Variants in THRB observed in about 807,000 individuals in gnomAD.
The protein encoded by THRB is thyroid hormone receptor beta.
In THRB, 12 loss-of-function variants were observed where a neutral mutation model predicts 47.8. The ratio of observed to expected loss-of-function variants is 0.25; its 90% CI spans 0.16 to 0.41. THRB has a LOEUF of 0.41. Among genes scored for constraint, THRB ranks in the 10% least tolerant of loss-of-function variants. The probability of loss-of-function intolerance (pLI) is 1.00; values close to 1 mark genes in which losing one functional copy is unlikely to be tolerated. For synonymous variants in THRB, 218 were observed against 212.2 expected (o/e 1.03, Z -0.24); for missense variants, 348 against 589.2 (o/e 0.59, Z 4.24).
chr3:24,233,506 GA>G lies in THRB; in HGVS notation c.-42-4506del, dbSNP rs1192198603. Among the ~76,000 whole-genome samples the G allele has an allele frequency of 1.5e-4, 21 of 136,460 alleles. 1 individual carries two copies. The East Asian group carries it at 4.5e-3, about 29-fold the overall frequency. 89.5% of individuals were successfully genotyped at this position (136,460 alleles called of 152,430 possible). On this transcript the variant is annotated intron_variant, in intron 3 of 10. Transcript: ENST00000646209. ...GAAAAGAAAAAAAGAAAGGAAGAAA[GA>G]AAGAAGGAGGGAAGGAAGGAAGGAA...
At chr3:24,346,099 C>G (rs534485861) in intron 1 of THRB, among the ~76,000 whole-genome samples, 4 of 151,936 alleles carry the variant, frequency 2.6e-5, no homozygotes, top group African/African-American at 9.7e-5. Flanking sequence ...ATGGTAAATA[C>G]GCAGTAAATC....
intron 3 of THRB, among the ~76,000 whole-genome samples, chr3:24,229,828 G>A (rs2048069231): frequency 6.6e-6 from 1 of 152,222 alleles, no homozygotes; most frequent in Non-Finnish European, 1.5e-5. Context: ...GATGGTGGTA[G>A]CATTTTGGCT....
At chr3:24,483,744 T>C (rs947783099) in intron 1 of THRB, among the ~76,000 whole-genome samples, 2 of 152,202 alleles carry the variant, frequency 1.3e-5, no homozygotes, top group African/African-American at 4.8e-5. Context: ...TAGAACTTAG[T>C]TACCTCATTG....
At chr3:24,215,884 G>A (rs186847241) in intron 4 of THRB, among the ~76,000 whole-genome samples, 10 of 152,304 alleles carry the variant, frequency 6.6e-5, no homozygotes, top group African/African-American at 2.2e-4. Flanking sequence ...GGTAGATGGG[G>A]ATGTAAGAAG....
At chr3:24,278,520 A>C (rs773466287) in intron 3 of THRB, among the ~76,000 whole-genome samples, 24 of 152,230 alleles carry the variant, frequency 1.6e-4, no homozygotes, top group Non-Finnish European at 2.8e-4. Context: ...AGAAAGCATA[A>C]TATTATCATT....
At chr3:24,422,353 T>C (rs1211933135) in intron 1 of THRB, among the ~76,000 whole-genome samples, 2 of 151,860 alleles carry the variant, frequency 1.3e-5, no homozygotes, top group Admixed American at 6.6e-5. Flanking sequence ...ATTTCATTGG[T>C]GCAATAATTA....
At chr3:24,143,445 T>C (rs1264063201) in intron 8 of THRB, 56 bp downstream of exon 8, 5 of 1,535,470 alleles carry the variant, frequency 3.3e-6, no homozygotes, top group East Asian at 2.2e-5. Flanking sequence ...ACTGAATAAA[T>C]TGAGGTAGAA....
At chr3:24,350,576 C>T (rs1468840805) in intron 1 of THRB, among the ~76,000 whole-genome samples, 1 of 152,116 alleles carries the variant, frequency 6.6e-6, no homozygotes, top group Non-Finnish European at 1.5e-5. Flanking sequence ...CTATATTAGG[C>T]CATTATATAC....
intron 1 of THRB, among the ~76,000 whole-genome samples, chr3:24,395,218 T>A (rs761671583): frequency 7.9e-5 from 12 of 152,212 alleles, no homozygotes; most frequent in Non-Finnish European, 1.0e-4. Flanking sequence ...TATGCAAAGC[T>A]TTTTTTAGAT....
chr3:24,148,505 G>A lies in THRB; in HGVS notation c.385-1683C>T, dbSNP rs529215205. Among the ~76,000 whole-genome samples the A allele has an allele frequency of 1.4e-4, 21 of 152,198 alleles. No homozygotes were observed. The South Asian group carries it at 3.3e-3, about 24-fold the overall frequency. Reference sequence around the variant, plus strand: ...TCCAACACCTGGCCTCAAGTGATCCGTCTGCCTCCGCCTCCCAAAGTGCTG... The same window carrying A: ...TCCAACACCTGGCCTCAAGTGATCCATCTGCCTCCGCCTCCCAAAGTGCTG... On this transcript the variant is annotated intron_variant, in intron 6 of 10. Coordinates refer to ENST00000646209, the MANE Select transcript of THRB (RefSeq NM_001354712.2).
rs1447741157 is a variant in THRB at position 24,242,342 on chromosome 3, C to G, written c.-42-13341G>C. Among the ~76,000 whole-genome samples the G allele has an allele frequency of 2.6e-5, 4 of 152,132 alleles. No homozygotes were observed. In the East Asian group the frequency reaches 7.7e-4, roughly 29 times the overall value. On this transcript the variant is annotated intron_variant, in intron 3 of 10. Transcript: ENST00000646209. ...GGTGATTATTTTCCGAACAATAGAA[C>G]CAGATTGCTGATTCATGTTCGGCTC...
intron 3 of THRB, among the ~76,000 whole-genome samples, chr3:24,286,394 A>C (rs1185386246): frequency 6.6e-6 from 1 of 152,212 alleles, no homozygotes; most frequent in Non-Finnish European, 1.5e-5. Flanking sequence ...TTGGGAGGAA[A>C]GAAAGAAATC....
At chr3:24,125,694 T>C (rs2148813851) in intron 10 of THRB, among the ~76,000 whole-genome samples, 2 of 152,310 alleles carry the variant, frequency 1.3e-5, no homozygotes, top group South Asian at 4.1e-4. Context: ...AGGTCATCTA[T>C]AGCTCCTGTC....
chr3:24,268,360 G>GA (rs1431779029), intron 3 of THRB, among the ~76,000 whole-genome samples: 12 of 152,130 alleles, frequency 7.9e-5, no homozygotes, highest in Non-Finnish European at 1.5e-4. Context: ...ACAAAAGCTG[G>GA]AAGATAGTGC....
In THRB at chr3:24,229,602, G is replaced by A. The variant is rs1158360276; in HGVS notation, c.-42-601C>T. Among the ~76,000 whole-genome samples, 15 of 152,340 alleles carry A rather than the reference G, an allele frequency of 9.8e-5. No individual in the cohort carries two copies. The East Asian group carries it at 2.9e-3, about 29-fold the overall frequency. On this transcript the variant is annotated intron_variant, in intron 3 of 10. Transcript: ENST00000646209. ...ACCTTAATGAGATCCAAGAGCAACA[G>A]TCAGACTTGGCCCTCAGGCTGGGGA... is the stretch of plus-strand genomic sequence containing the variant.
At chr3:24,449,403 C>T (rs1336595237) in intron 1 of THRB, among the ~76,000 whole-genome samples, 2 of 152,122 alleles carry the variant, frequency 1.3e-5, no homozygotes, top group African/African-American at 4.8e-5. Flanking sequence ...CAGAAATGGG[C>T]ATTTTGAGAG....
chr3:24,404,177 TA>T (rs1200131089), intron 1 of THRB, among the ~76,000 whole-genome samples: 1 of 151,976 alleles, frequency 6.6e-6, no homozygotes, highest in East Asian at 1.9e-4. Context: ...AAGATCTGCA[TA>T]ACTCAGTGAA....
At chr3:24,398,652 T>C (rs1199874313) in intron 1 of THRB, among the ~76,000 whole-genome samples, 1 of 152,138 alleles carries the variant, frequency 6.6e-6, no homozygotes, top group Non-Finnish European at 1.5e-5. Context: ...AGTTCAACCA[T>C]TGTGGAAGTC....
intron 1 of THRB, among the ~76,000 whole-genome samples, chr3:24,474,320 C>A (rs1695131023): frequency 6.6e-6 from 1 of 152,112 alleles, no homozygotes; most frequent in African/African-American, 2.4e-5. Flanking sequence ...GGATACTATC[C>A]TCAAAATTTA....
Sources: gnomAD v4.1 joint callset for allele counts (sites outside exome capture counted in the v4.1 genomes callset) on GRCh38, gnomAD v4.1.1 for gene constraint, MANE v1.5 for transcripts, NCBI Gene and HGNC (gene_info 2026-07-23, HGNC 2026-07-21) for gene names.